Variants in FRS3 observed in about 807,000 individuals in gnomAD.
The protein encoded by FRS3 is fibroblast growth factor receptor substrate 3, also known as FGFR substrate 3.
A neutral mutation model predicts 41.9 loss-of-function variants in FRS3; 17 were observed. The observed-to-expected ratio is 0.41, with a 90% confidence interval of 0.28 to 0.61. The LOEUF (loss-of-function observed/expected upper bound fraction) is 0.61, where lower values mean the gene tolerates loss of function less well. FRS3 is among the 20% of genes least tolerant of loss of function. The probability of loss-of-function intolerance (pLI) is 0.36; values close to 1 mark genes in which losing one functional copy is unlikely to be tolerated. For synonymous variants in FRS3, 287 were observed against 274.5 expected (o/e 1.05, Z -0.45); for missense variants, 619 against 672.1 (o/e 0.92, Z 0.87).
At chr6:41,772,446 T>C (rs1315390711) in intron 5 of FRS3, among the ~76,000 whole-genome samples, 1 of 152,178 alleles carries the variant, frequency 6.6e-6, no homozygotes, top group Non-Finnish European at 1.5e-5. Flanking sequence ...TGGCCAGAGA[T>C]GCCTGCACCA....
Position 41,771,084 on chromosome 6 carries a change from C to A in FRS3, c.1014G>T (p.Gln338His), listed in dbSNP as rs936543110. 1.3e-6 allele frequency: 2 copies of A among 1,598,276 alleles called. No individual in the cohort carries two copies. Among genetic ancestry groups the A allele is most frequent in the African/African-American group, 1.3e-5 (1 of 74,622 alleles). Residue 338 changes from glutamine (Q) to histidine (H), a missense_variant, in exon 7 of 7, where the codon CAG becomes CAT. By Grantham distance (24) the Gln-to-His change is conservative (BLOSUM62 0). Around this residue, in one of 3 missense-constraint regions of FRS3, gnomAD observed 487 missense variants for 478.3 expected, o/e 1.02. Coordinates refer to ENST00000373018, the MANE Select transcript of FRS3 (RefSeq NM_006653.5). ...LPPVWESQAQ[Q>H]LGGEAGDDGD... ...CATCATCCCCAGCCTCCCCTCCCAG[C>A]TGCTGGGCTTGGCTTTCCCACACAG...
chr6:41,771,694 G>A (rs1772298147), intron 6 of FRS3, 122 bp downstream of exon 6: 4 of 1,234,488 alleles, frequency 3.2e-6, no homozygotes, highest in South Asian at 2.8e-5. Context: ...TTGGGGACAG[G>A]AAGGGACCGT....
chr6:41,774,368 G>C (rs778012472), intron 4 of FRS3, among the ~76,000 whole-genome samples: 5 of 152,056 alleles, frequency 3.3e-5, no homozygotes, highest in Admixed American at 6.6e-5. Context: ...ATGACAAGAG[G>C]GTCTACTCTG....
intron 6 of FRS3, 133 bp from the exon 7 acceptor site, chr6:41,771,666 T>C: frequency 8.8e-7 from 1 of 1,142,538 alleles, no homozygotes; most frequent in South Asian, 1.5e-5. Flanking sequence ...CCAACCCTTC[T>C]GAGGAAGCTG....
At position 41,770,628 on chromosome 6, in the gene FRS3, C is replaced by T; in HGVS notation, c.1470G>A (p.Leu490=). Residue 490 remains leucine, a synonymous_variant, in exon 7 of 7, where the codon CTG becomes CTA. Transcript: ENST00000373018. ...GAGGACCGGGAAGTCCCTACAGAGG[C>T]AGGTCGGTGCTGTTGTGCCGGGTTT... ...ARKTRHNSTD[L]PL 6.2e-7 allele frequency: 1 copy of T among 1,614,106 alleles called. No individual in the cohort carries two copies. The highest frequency in any genetic ancestry group is 8.5e-7 in the Non-Finnish European group (1 of 1,180,002).
At position 41,771,133 on chromosome 6, in the gene FRS3, T is replaced by C. The variant is rs1384242258; in HGVS notation, c.965A>G (p.Tyr322Cys). The change falls in exon 7 of 7, where the codon TAT (tyrosine) becomes TGT (cysteine). Residue 322 changes from tyrosine to cysteine, a missense_variant. By Grantham distance (194) the Tyr-to-Cys change is radical (BLOSUM62 -2). Around this residue, in one of 3 missense-constraint regions of FRS3, gnomAD observed 487 missense variants for 478.3 expected, o/e 1.02. Transcript: ENST00000373018. ...LAHRRAALLH[Y>C]ENLPPLPPVW... ...AGGGGGCAGTGGGGGCAGGTTCTCATAGTGCAGCAGGGCGGCCCGGCGGTG... is the reference window on the plus strand; with the variant it reads ...AGGGGGCAGTGGGGGCAGGTTCTCACAGTGCAGCAGGGCGGCCCGGCGGTG... 1.3e-6 allele frequency: 2 copies of C among 1,571,960 alleles called. No homozygotes were observed. The highest frequency in any genetic ancestry group is 1.7e-6 in the Non-Finnish European group (2 of 1,156,686).
chr6:41,772,097 C>A, intron 5 of FRS3, 133 bp from the exon 6 acceptor site: 2 of 671,468 alleles, frequency 3.0e-6, no homozygotes, highest in Non-Finnish European at 4.9e-6. Context: ...GTGGTTAAAC[C>A]CCACTGAGCC....
In FRS3 at chr6:41,770,909, G is replaced by A. The variant is rs774209432; in HGVS notation, c.1189C>T (p.Pro397Ser). 13 of 1,611,438 alleles carry A rather than the reference G, an allele frequency of 8.1e-6. No homozygotes were observed. Among genetic ancestry groups the A allele is most frequent in the Non-Finnish European group, 1.1e-5 (13 of 1,179,974 alleles). The change falls in exon 7 of 7, where the codon CCA becomes TCA. Residue 397 changes from proline to serine, a missense_variant. This residue lies in a region of FRS3 where 487 missense variants were observed against 478.3 expected (regional missense o/e 1.02). Transcript: ENST00000373018. ...CGGAAATCAAAGTTGAAGACCCTTG[G>A]GGAGCCGCGGCGGCGGGTCAGTGGC... ...PVPLTRRRGS[P>S]RVFNFDFRRP...
intron 1 of FRS3, among the ~76,000 whole-genome samples, chr6:41,778,964 T>C (rs1772467053): frequency 6.6e-6 from 1 of 152,138 alleles, no homozygotes; most frequent in South Asian, 2.1e-4. Flanking sequence ...CCAGGGCCCC[T>C]TGCACCCTGC....
Position 41,771,443 on chromosome 6 carries a change from A to G in FRS3, c.655T>C (p.Phe219Leu). 6.2e-7 allele frequency: 1 copy of G among 1,610,834 alleles called. No homozygotes were observed. The change falls in exon 7 of 7, where the codon TTC becomes CTC. Residue 219 changes from phenylalanine (F) to leucine (L), a missense_variant. Physicochemically the swap from Phe to Leu is conservative, Grantham distance 22. This residue lies in a region of FRS3 where 487 missense variants were observed against 478.3 expected (regional missense o/e 1.02). Transcript: ENST00000373018. ...LQPLPEGQAPFLPQARGPDQR... is the reference protein window; with the variant it reads ...LQPLPEGQAPLLPQARGPDQR... The stretch of plus-strand genomic sequence containing the variant: ...TCAGGTCCCCGGGCCTGCGGGAGGA[A>G]GGGTGCCTGACCCTCAGGCAGGGGC...
intron 1 of FRS3, among the ~76,000 whole-genome samples, chr6:41,778,963 C>T (rs1772466986): frequency 6.6e-6 from 1 of 152,172 alleles, no homozygotes; most frequent in Non-Finnish European, 1.5e-5. Flanking sequence ...CCCAGGGCCC[C>T]TTGCACCCTG....
intron 1 of FRS3, among the ~76,000 whole-genome samples, chr6:41,778,919 G>A (rs1022533393): frequency 1.2e-4 from 18 of 152,106 alleles, no homozygotes; most frequent in African/African-American, 3.9e-4. Flanking sequence ...TGCAGACCCT[G>A]GACATCCCAC....
At chr6:41,778,222 C>T (rs1194040792) in intron 1 of FRS3, 46 bp from the exon 2 acceptor site, 2 of 152,430 alleles carry the variant, frequency 1.3e-5, no homozygotes, top group African/African-American at 4.8e-5. Context: ...CTTCTATCTT[C>T]ACCCCCAACT....
At chr6:41,773,305 T>C (rs1007709776) in intron 4 of FRS3, among the ~76,000 whole-genome samples, 1 of 151,876 alleles carries the variant, frequency 6.6e-6, no homozygotes, top group African/African-American at 2.4e-5. Flanking sequence ...GGTTTCACCA[T>C]GTTGGTCAGG....
chr6:41,771,297 T>A lies in FRS3; in HGVS notation c.801A>T (p.Pro267=). 1 of 1,613,158 alleles carries A rather than the reference T, an allele frequency of 6.2e-7. No individual in the cohort carries two copies. Among genetic ancestry groups the A allele is most frequent in the Non-Finnish European group, 8.5e-7 (1 of 1,179,502 alleles). ...GGGCCTCATTGTTATTATTGTGGTG[T>A]GGGGGGTCATGCAGGCTGGGACAGA... is the stretch of plus-strand genomic sequence containing the variant. ...QGLCPSLHDP[P]HHNNNNEAPS... is the part of the protein sequence containing the mutation. Residue 267 remains proline, a synonymous_variant, in exon 7 of 7, where the codon CCA becomes CCT. Coordinates refer to ENST00000373018, the MANE Select transcript of FRS3 (RefSeq NM_006653.5).
At position 41,776,904 on chromosome 6, in the gene FRS3, G is replaced by A; in HGVS notation, c.66+18C>T. On this transcript the variant is annotated intron_variant, in intron 3 of 6. Coordinates refer to ENST00000373018, the MANE Select transcript of FRS3 (RefSeq NM_006653.5). ...GAGGCCATGTTGGGAACACAGGAGAGGAGAGGGCTCTGGGTACCTTGAACT... is the reference window on the plus strand; with the variant it reads ...GAGGCCATGTTGGGAACACAGGAGAAGAGAGGGCTCTGGGTACCTTGAACT... The A allele has an allele frequency of 6.2e-7, 1 of 1,605,090 alleles. No homozygotes were observed. Among genetic ancestry groups the A allele is most frequent in the Non-Finnish European group, 8.5e-7 (1 of 1,171,710 alleles).
In FRS3 at chr6:41,771,972, C is replaced by G. The variant is rs989280959; in HGVS notation, c.416-8G>C. The G allele has an allele frequency of 3.9e-6, 6 of 1,534,020 alleles. No individual in the cohort carries two copies. The East Asian group carries it at 9.6e-5, about 25-fold the overall frequency. On this transcript the variant is annotated splice_polypyrimidine_tract_variant and splice_region_variant and intron_variant, in intron 5 of 6. Coordinates refer to ENST00000373018, the MANE Select transcript of FRS3 (RefSeq NM_006653.5). ...AGACAGTGTAGCCTAGAGCTGAGCA[C>G]ACGGGAGACAAGCCCAGGAGAGGGG...
chr6:41,772,463 A>G (rs1349896578), intron 5 of FRS3, among the ~76,000 whole-genome samples: 1 of 152,230 alleles, frequency 6.6e-6, no homozygotes, highest in African/African-American at 2.4e-5. Flanking sequence ...ACCAGCAGCA[A>G]GGAAGGTATA....
chr6:41,776,674 C>A, intron 3 of FRS3: 1 of 446,314 alleles, frequency 2.2e-6, no homozygotes, highest in South Asian at 4.6e-5. Context: ...ACACTGACAA[C>A]AGTTCCAAAA....
Sources: gnomAD v4.1 joint callset for allele counts (sites outside exome capture counted in the v4.1 genomes callset) on GRCh38, gnomAD v4.1.1 for gene constraint, gnomAD v4.1.1 regional missense constraint, MANE v1.5 for transcripts, NCBI Gene and HGNC (gene_info 2026-07-23, HGNC 2026-07-21) for gene names.